Variants in SLC16A6 observed in about 807,000 individuals in gnomAD.
SLC16A6 encodes the protein solute carrier family 16 member 6.
Under a neutral mutation model 33.8 loss-of-function variants are expected in SLC16A6, and 15 were observed. The observed-to-expected ratio is 0.44, with a 90% CI of 0.30 to 0.68. The LOEUF (loss-of-function observed/expected upper bound fraction) is 0.68. SLC16A6 is among the 30% of genes least tolerant of loss of function. The pLI, the probability that SLC16A6 is intolerant of heterozygous loss-of-function variation, is 0.10. For missense variants in SLC16A6, 451 were observed against 661.5 expected, an observed-to-expected ratio of 0.68 and a Z score of 3.49; for synonymous variants, 219 against 248.4, an observed-to-expected ratio of 0.88 and a Z score of 1.11.
rs2075588553 is a variant in SLC16A6, at chr17:68,278,255, T to G, written c.66A>C (p.Gly22=). ...ANVYTEVPDG[G]WGWAVAVSFF... Reference sequence around the variant, plus strand: ...ATGAAACAGCTACCGCCCAGCCCCATCCTCCATCAGGCACTTCAGTATACA... The same window carrying G: ...ATGAAACAGCTACCGCCCAGCCCCAGCCTCCATCAGGCACTTCAGTATACA... Residue 22 remains glycine (G), a synonymous_variant, in exon 2 of 6, where the codon GGA becomes GGC. Coordinates refer to ENST00000580666, the MANE Select transcript of SLC16A6 (RefSeq NM_004694.5). 2.5e-6 allele frequency: 4 copies of G among 1,614,162 alleles called. No individual in the cohort carries two copies. The highest frequency in any genetic ancestry group is 3.4e-6 in the Non-Finnish European group (4 of 1,180,008).
intron 1 of SLC16A6, among the ~76,000 whole-genome samples, chr17:68,279,743 A>G (rs2075633334): frequency 6.6e-6 from 1 of 152,202 alleles, no homozygotes; most frequent in African/African-American, 2.4e-5. Flanking sequence ...TAGCACATGA[A>G]TACTGTCTTT....
intron 2 of SLC16A6, among the ~76,000 whole-genome samples, chr17:68,277,818 G>A (rs2075573072): frequency 6.6e-6 from 1 of 152,210 alleles, no homozygotes; most frequent in African/African-American, 2.4e-5. Context: ...GGAATCTACA[G>A]AATCCTAAGA....
chr17:68,276,751 G>C (rs1179846108), intron 2 of SLC16A6, among the ~76,000 whole-genome samples: 2 of 152,210 alleles, frequency 1.3e-5, no homozygotes, highest in African/African-American at 4.8e-5. Flanking sequence ...ACCATGCCCA[G>C]CTTGGTTAAC....
intron 2 of SLC16A6, among the ~76,000 whole-genome samples, chr17:68,276,254 C>T (rs1351335502): frequency 3.3e-5 from 5 of 151,660 alleles, no homozygotes; most frequent in African/African-American, 9.7e-5. Context: ...CCACCACACC[C>T]GGCTAACGAG....
At chr17:68,272,157 C>T (rs1449601659) in intron 4 of SLC16A6, among the ~76,000 whole-genome samples, 3 of 152,178 alleles carry the variant, frequency 2.0e-5, no homozygotes, top group African/African-American at 4.8e-5. Flanking sequence ...AGGCTGGTCT[C>T]GATCACCTGA....
intron 3 of SLC16A6, among the ~76,000 whole-genome samples, chr17:68,273,354 C>T (rs1363026441): frequency 1.3e-5 from 2 of 152,010 alleles, no homozygotes; most frequent in African/African-American, 4.8e-5. Context: ...ATGGTTACAG[C>T]TGGGACCACA....
At chr17:68,278,666 C>T (rs2075602736) in intron 1 of SLC16A6, among the ~76,000 whole-genome samples, 1 of 137,774 alleles carries the variant, frequency 7.3e-6, no homozygotes, top group East Asian at 2.1e-4. Context: ...GTTGCCCAGG[C>T]TGCAGTGTAG....
intron 2 of SLC16A6, among the ~76,000 whole-genome samples, chr17:68,277,065 C>T (rs1451016550): frequency 2.0e-5 from 3 of 152,148 alleles, no homozygotes; most frequent in African/African-American, 7.2e-5. Flanking sequence ...TCTCATTTTG[C>T]TTCATGCATC....
At chr17:68,273,371 C>T (rs2075406271) in intron 3 of SLC16A6, among the ~76,000 whole-genome samples, 1 of 152,060 alleles carries the variant, frequency 6.6e-6, no homozygotes, top group African/African-American at 2.4e-5. Context: ...CACAGGCACG[C>T]ACCACCACGC....
chr17:68,282,190 T>C (rs1400225897), intron 1 of SLC16A6, among the ~76,000 whole-genome samples: 2 of 152,168 alleles, frequency 1.3e-5, no homozygotes, highest in African/African-American at 2.4e-5. Flanking sequence ...GATGAGTTCA[T>C]GTCCTTGGTA....
intron 1 of SLC16A6, among the ~76,000 whole-genome samples, chr17:68,285,024 C>G (rs1215992709): frequency 6.6e-6 from 1 of 152,168 alleles, no homozygotes; most frequent in Non-Finnish European, 1.5e-5. Flanking sequence ...ACTATAGGGG[C>G]ACTACAGTGA....
At chr17:68,281,441 C>T (rs2075693308) in intron 1 of SLC16A6, among the ~76,000 whole-genome samples, 1 of 151,666 alleles carries the variant, frequency 6.6e-6, no homozygotes. Context: ...GTGGCATGCA[C>T]CTCTACACCT....
At chr17:68,288,153 C>T (rs1192275639) in intron 1 of SLC16A6, among the ~76,000 whole-genome samples, 3 of 151,026 alleles carry the variant, frequency 2.0e-5, no homozygotes, top group Admixed American at 6.6e-5. Context: ...CATGCCACCA[C>T]GCCCGGCTGA....
rs2075320138 is a variant in SLC16A6, at chr17:68,270,964, A to G, written c.1196T>C (p.Ile399Thr). The G allele has an allele frequency of 1.2e-5, 20 of 1,614,086 alleles. No individual in the cohort carries two copies. The highest frequency in any genetic ancestry group is 1.6e-4 in the Middle Eastern group (1 of 6,084). ...AAGCAGTGGAATGTGAGTCCCTCCT[A>G]TTGTTCCAACCATAAACCCAAAAAA... is the stretch of plus-strand genomic sequence containing the variant. ...SIFFGFMVGTIGGTHIPLLAE... is the reference protein window; with the variant it reads ...SIFFGFMVGTTGGTHIPLLAE... The change falls in exon 5 of 6, where the codon ATA (isoleucine) becomes ACA (threonine). Residue 399 changes from isoleucine to threonine, a missense_variant. Coordinates refer to ENST00000580666, the MANE Select transcript of SLC16A6 (RefSeq NM_004694.5).
At chr17:68,273,872 C>T (rs2075423140) in intron 3 of SLC16A6, 55 bp downstream of exon 3, 2 of 1,581,514 alleles carry the variant, frequency 1.3e-6, no homozygotes, top group Admixed American at 3.6e-5. Flanking sequence ...CTTCCCCTTC[C>T]TTGTTCTTCA....
chr17:68,270,367 A>G (rs2075296242), intron 5 of SLC16A6, among the ~76,000 whole-genome samples: 1 of 152,102 alleles, frequency 6.6e-6, no homozygotes, highest in South Asian at 2.1e-4. Flanking sequence ...CATCCTGGCC[A>G]ACATGGTGAA....
chr17:68,290,094 A>G (rs2075935513), intron 1 of SLC16A6, among the ~76,000 whole-genome samples: 1 of 152,208 alleles, frequency 6.6e-6, no homozygotes, highest in African/African-American at 2.4e-5. Flanking sequence ...TGCAAAAACA[A>G]TCAGATCACT....
intron 1 of SLC16A6, among the ~76,000 whole-genome samples, chr17:68,279,306 G>A (rs1045569125): frequency 3.3e-5 from 5 of 151,822 alleles, no homozygotes; most frequent in Non-Finnish European, 5.9e-5. Context: ...TGGCCACCGC[G>A]ATCACCTAGT....
chr17:68,288,785 G>T (rs1229812553), intron 1 of SLC16A6, among the ~76,000 whole-genome samples: 2 of 152,188 alleles, frequency 1.3e-5, no homozygotes, highest in Non-Finnish European at 2.9e-5. Flanking sequence ...GGCCATATTT[G>T]TTAATTTCTG....
Sources: allele counts gnomAD v4.1 joint callset (sites outside exome capture counted in the v4.1 genomes callset), GRCh38; gene constraint gnomAD v4.1.1; transcripts MANE v1.5; gene names NCBI Gene and HGNC (gene_info 2026-07-23, HGNC 2026-07-21).